The following WAPL variants were observed in gnomAD, a reference collection of about 807,000 sequenced individuals.
WAPL encodes wings apart-like protein homolog.
WAPL carries 5 observed loss-of-function variants against 121.0 expected under a neutral mutation model. The ratio of observed to expected loss-of-function variants is 0.04; its 90% CI spans 0.02 to 0.09. The LOEUF (loss-of-function observed/expected upper bound fraction) is 0.09, where lower values mean the gene tolerates loss of function less well. Ranked by LOEUF, WAPL falls within the 10% of genes least tolerant of loss-of-function variation. The pLI is 1.00. For synonymous variants in WAPL, 480 were observed against 481.5 expected (o/e 1.00, Z 0.04); for missense variants, 999 against 1,410.8 (o/e 0.71, Z 4.68).
intron 2 of WAPL, among the ~76,000 whole-genome samples, chr10:86,503,195 C>T (rs1163340359): frequency 6.6e-6 from 1 of 152,050 alleles, no homozygotes; most frequent in Non-Finnish European, 1.5e-5. Flanking sequence ...ACTGGCTGGG[C>T]GCGGGGGCTC....
At position 86,521,779 on chromosome 10, in the gene WAPL, G is replaced by T; in HGVS notation, c.-437C>A. The T allele has an allele frequency of 2.3e-6, 1 of 437,748 alleles. No individual in the cohort carries two copies. Among genetic ancestry groups the T allele is most frequent in the Non-Finnish European group, 4.7e-6 (1 of 212,544 alleles). The allele number at this position is 437,748 out of a possible 1,614,324, so 27.1% of individuals were successfully genotyped here. On this transcript the variant is annotated 5_prime_UTR_variant, in exon 1 of 19. Transcript: ENST00000298767. ...CCCCCACCTCCTTCCTCCAACAGCC[G>T]CTCGCTCCGTCACTCCGCTTCCCAC...
intron 2 of WAPL, among the ~76,000 whole-genome samples, chr10:86,508,804 G>C (rs1175631104): frequency 7.1e-6 from 1 of 140,144 alleles, no homozygotes; most frequent in Non-Finnish European, 1.5e-5. Context: ...ACCCAGGCTG[G>C]AGTGCAGTGG....
rs775147089 is a variant in WAPL, at chr10:86,521,527, G to T, written c.-185C>A. The T allele has an allele frequency of 4.6e-5, 17 of 366,734 alleles. No homozygotes were observed. In the Admixed American group the frequency reaches 5.1e-4, roughly 11 times the overall value. The allele number at this position is 366,734 out of a possible 1,614,324, so 22.7% of individuals were successfully genotyped here. A position where few individuals can be genotyped will look rare whatever the true frequency, so the allele number is the denominator to read the frequency against. On this transcript the variant is annotated 5_prime_UTR_variant, in exon 1 of 19. Transcript: ENST00000298767. ...TTTCGGTAAATAGGAAGCCCGGTTG[G>T]GGGGGCAGGAGCGGCGGCCCCGCAA...
chr10:86,456,813 A>G (rs1841157528), intron 12 of WAPL, among the ~76,000 whole-genome samples: 1 of 152,202 alleles, frequency 6.6e-6, no homozygotes, highest in Non-Finnish European at 1.5e-5. Flanking sequence ...TTTGAAGACA[A>G]AAGGAGGTTC....
At chr10:86,468,306 C>T (rs1390935919) in intron 8 of WAPL, among the ~76,000 whole-genome samples, 1 of 151,904 alleles carries the variant, frequency 6.6e-6, no homozygotes, top group African/African-American at 2.4e-5. Context: ...AAGCAATCCT[C>T]CCCACCTCAG....
chr10:86,467,262 A>C lies in WAPL; in HGVS notation c.2370+17T>G. ...GAAAGTAATTCTCATCTTAGAAGGA[A>C]GGAAGAAGGAACCCACCGTTATATT... On this transcript the variant is annotated intron_variant, in intron 9 of 18. Coordinates refer to ENST00000298767, the MANE Select transcript of WAPL (RefSeq NM_015045.5). The C allele has an allele frequency of 1.2e-6, 2 of 1,603,442 alleles. No individual in the cohort carries two copies. The highest frequency in any genetic ancestry group is 1.7e-6 in the Non-Finnish European group (2 of 1,171,160).
At chr10:86,488,993 C>T (rs1841982436) in intron 4 of WAPL, among the ~76,000 whole-genome samples, 1 of 152,206 alleles carries the variant, frequency 6.6e-6, no homozygotes, top group South Asian at 2.1e-4. Flanking sequence ...ATGGTACAAG[C>T]TGACATTAAG....
intron 2 of WAPL, among the ~76,000 whole-genome samples, chr10:86,506,772 A>T (rs1345130733): frequency 2.6e-5 from 4 of 152,168 alleles, no homozygotes; most frequent in Non-Finnish European, 5.9e-5. Context: ...CCTGGGCAAC[A>T]GAGAAAGACC....
At chr10:86,471,672 G>A (rs577723033) in intron 7 of WAPL, among the ~76,000 whole-genome samples, 2 of 151,634 alleles carry the variant, frequency 1.3e-5, no homozygotes, top group Admixed American at 6.6e-5. Context: ...TCTTGTTTTT[G>A]GAGACAGGGC....
Position 86,436,459 on chromosome 10 carries a change from T to C in WAPL, c.*1084A>G, listed in dbSNP as rs1266897183. 6.6e-6 allele frequency: 1 copy of C among 152,586 alleles called. No homozygotes were observed. The allele number at this position is 152,586 out of a possible 1,614,324, so 9.5% of individuals were successfully genotyped here. A position where few individuals can be genotyped will look rare whatever the true frequency, so the allele number is the denominator to read the frequency against. On this transcript the variant is annotated 3_prime_UTR_variant, in exon 19 of 19. Coordinates refer to ENST00000298767, the MANE Select transcript of WAPL (RefSeq NM_015045.5). Reference sequence around the variant, plus strand: ...TTGCAATGTTATGATATTAAATCTATAAAATGTTTTGTGTTCCATAACTGT... The same window carrying C: ...TTGCAATGTTATGATATTAAATCTACAAAATGTTTTGTGTTCCATAACTGT...
intron 12 of WAPL, among the ~76,000 whole-genome samples, chr10:86,457,601 C>T (rs945353053): frequency 4.0e-5 from 6 of 150,662 alleles, no homozygotes; most frequent in Non-Finnish European, 7.4e-5. Flanking sequence ...TGCAGTGAGC[C>T]GAGATCATGC....
In WAPL at chr10:86,446,368, G is replaced by A; in HGVS notation, c.3196C>T (p.His1066Tyr). The A allele has an allele frequency of 6.2e-7, 1 of 1,614,092 alleles. No individual in the cohort carries two copies. Among genetic ancestry groups the A allele is most frequent in the Non-Finnish European group, 8.5e-7 (1 of 1,180,020 alleles). Residue 1066 changes from histidine (H) to tyrosine (Y), a missense_variant, in exon 16 of 19, where the codon CAT becomes TAT. His to Tyr is a moderately conservative substitution (Grantham distance 83). Coordinates refer to ENST00000298767, the MANE Select transcript of WAPL (RefSeq NM_015045.5). ...TCTTGCCACTCTCCACTCTTATCAT[G>A]CTGAGTGGTGGGAGCATCTTTGATC... is the stretch of plus-strand genomic sequence containing the variant. Reference protein sequence around the residue: ...ELIKDAPTTQHDKSGEWQETS... With the variant: ...ELIKDAPTTQYDKSGEWQETS...
intron 2 of WAPL, among the ~76,000 whole-genome samples, chr10:86,516,200 A>C (rs1842553169): frequency 6.6e-6 from 1 of 152,054 alleles, no homozygotes; most frequent in African/African-American, 2.4e-5. Flanking sequence ...ATTTAACCTA[A>C]ACTTAACTTG....
Position 86,452,075 on chromosome 10 carries a change from A to G in WAPL, c.3006T>C (p.Leu1002=), listed in dbSNP as rs1402929709. 3.7e-6 allele frequency: 6 copies of G among 1,614,192 alleles called. No homozygotes were observed. Among genetic ancestry groups the G allele is most frequent in the South Asian group, 1.1e-5 (1 of 91,080 alleles). ...VEYSARNRHC[L]VNMETSCSFD... ...AAGAGCACGATGTTTCCATGTTGAC[A>G]AGACAGTGCCGATTCCGAGCACTAT... is the stretch of plus-strand genomic sequence containing the variant. The change falls in exon 15 of 19, where the codon CTT becomes CTC. Residue 1002 remains leucine, a synonymous_variant. Coordinates refer to ENST00000298767, the MANE Select transcript of WAPL (RefSeq NM_015045.5).
chr10:86,442,862 TC>T (rs1849504079), intron 17 of WAPL, among the ~76,000 whole-genome samples: 2 of 151,760 alleles, frequency 1.3e-5, no homozygotes, highest in South Asian at 4.2e-4. Flanking sequence ...ACACGATGAA[TC>T]CCCGTCTCTA....
chr10:86,461,812 G>A (rs184597818), intron 9 of WAPL, among the ~76,000 whole-genome samples: 2 of 152,282 alleles, frequency 1.3e-5, no homozygotes, highest in Non-Finnish European at 2.9e-5. Context: ...TATTAACTAT[G>A]TTTCTACTAT....
At chr10:86,449,179 A>G (rs528240380) in intron 15 of WAPL, among the ~76,000 whole-genome samples, 1 of 152,368 alleles carries the variant, frequency 6.6e-6, no homozygotes, top group South Asian at 2.1e-4. Context: ...CCATTTATAC[A>G]ACATTATCGA....
chr10:86,518,736 T>C (rs946791134), intron 1 of WAPL, among the ~76,000 whole-genome samples: 1 of 152,190 alleles, frequency 6.6e-6, no homozygotes, highest in Non-Finnish European at 1.5e-5. Flanking sequence ...CTCAGAAATA[T>C]CCAATACTTG....
chr10:86,498,859 A>G (rs1487430008), intron 3 of WAPL, among the ~76,000 whole-genome samples: 1 of 152,206 alleles, frequency 6.6e-6, no homozygotes, highest in Non-Finnish European at 1.5e-5. Flanking sequence ...CACAAATTAA[A>G]TTTCCACAGT....
Sources: gnomAD v4.1 joint callset for allele counts (sites outside exome capture counted in the v4.1 genomes callset) on GRCh38, gnomAD v4.1.1 for gene constraint, MANE v1.5 for transcripts, NCBI Gene and HGNC (gene_info 2026-07-23, HGNC 2026-07-21) for gene names.